Variants in ENTREP2 observed in about 807,000 individuals in gnomAD.
ENTREP2 encodes the protein endosomal transmembrane epsin interactor 2.
chr15:29,605,848 A>T, the ENTREP2 span, among the ~76,000 whole-genome samples: 2 of 152,158 alleles, frequency 1.3e-5, no homozygotes, highest in Non-Finnish European at 2.9e-5. Context: ...AGAAAAAAAT[A>T]AAATATGGAT....
the ENTREP2 span, among the ~76,000 whole-genome samples, chr15:29,562,223 G>A: frequency 6.6e-6 from 1 of 152,218 alleles, no homozygotes; most frequent in Non-Finnish European, 1.5e-5. Flanking sequence ...TAGGACCCTG[G>A]GCCAGAGAGG....
the ENTREP2 span, among the ~76,000 whole-genome samples, chr15:29,385,131 TTG>T: frequency 6.6e-6 from 1 of 152,174 alleles, no homozygotes; most frequent in Admixed American, 6.5e-5. Flanking sequence ...ATTGAACGCC[TTG>T]ACCTCTTCTC....
At chr15:29,439,152 C>T in the ENTREP2 span, among the ~76,000 whole-genome samples, 1 of 151,582 alleles carries the variant, frequency 6.6e-6, no homozygotes, top group East Asian at 1.9e-4. Flanking sequence ...TCAGACGATC[C>T]AATCACTCTG....
the ENTREP2 span, among the ~76,000 whole-genome samples, chr15:29,119,719 C>T: frequency 6.9e-4 from 103 of 148,462 alleles, no homozygotes; most frequent in African/African-American, 2.5e-3. Context: ...ATACAATTCT[C>T]GACGTGGCCA....
At chr15:29,226,315 C>A in the ENTREP2 span, among the ~76,000 whole-genome samples, 3 of 152,268 alleles carry the variant, frequency 2.0e-5, no homozygotes, top group East Asian at 3.9e-4. Context: ...GGTTTGGAAT[C>A]AACTTTCAAA....
chr15:29,454,696 C>A, the ENTREP2 span, among the ~76,000 whole-genome samples: 1 of 152,142 alleles, frequency 6.6e-6, no homozygotes, highest in Admixed American at 6.6e-5. Context: ...CCAGGGCCTG[C>A]GAACAGCCAC....
chr15:29,302,125 A>G, the ENTREP2 span, among the ~76,000 whole-genome samples: 1 of 152,018 alleles, frequency 6.6e-6, no homozygotes, highest in African/African-American at 2.4e-5. Context: ...TTTGTGGCCC[A>G]TTTTCACTCT....
At chr15:29,429,107 G>C in the ENTREP2 span, among the ~76,000 whole-genome samples, 8 of 152,008 alleles carry the variant, frequency 5.3e-5, no homozygotes, top group Admixed American at 5.2e-4. Context: ...ATCTTGAGAT[G>C]TCTATCTATC....
the ENTREP2 span, among the ~76,000 whole-genome samples, chr15:29,637,886 G>A: frequency 6.6e-6 from 1 of 152,204 alleles, no homozygotes; most frequent in Admixed American, 6.5e-5. Context: ...GAAAGCAGAG[G>A]AGACATCTAC....
At chr15:29,590,233 G>A in the ENTREP2 span, among the ~76,000 whole-genome samples, 2 of 152,102 alleles carry the variant, frequency 1.3e-5, no homozygotes, top group Non-Finnish European at 2.9e-5. Flanking sequence ...TCCATGGCCA[G>A]GTTCAGCGAC....
At chr15:29,207,165 A>G in the ENTREP2 span, among the ~76,000 whole-genome samples, 93 of 152,260 alleles carry the variant, frequency 6.1e-4, no homozygotes, top group African/African-American at 1.8e-3. Context: ...TGCTGAATGC[A>G]GTCCCTGCCA....
the ENTREP2 span, among the ~76,000 whole-genome samples, chr15:29,633,487 G>C: frequency 1.5e-4 from 23 of 151,902 alleles, no homozygotes; most frequent in African/African-American, 5.6e-4. Flanking sequence ...AATGTATTTG[G>C]TATGACATGG....
At chr15:29,220,090 C>T in the ENTREP2 span, among the ~76,000 whole-genome samples, 6 of 152,298 alleles carry the variant, frequency 3.9e-5, no homozygotes, top group East Asian at 9.7e-4. Flanking sequence ...GGCCAGAAGT[C>T]GCTGTGCTTA....
the ENTREP2 span, among the ~76,000 whole-genome samples, chr15:29,528,174 CA>C: frequency 4.6e-5 from 7 of 151,986 alleles, no homozygotes; most frequent in Admixed American, 2.0e-4. Flanking sequence ...GGCATTATAC[CA>C]AAATTCAAGG....
chr15:29,326,098 A>G, the ENTREP2 span, among the ~76,000 whole-genome samples: 22 of 152,248 alleles, frequency 1.4e-4, no homozygotes, highest in Non-Finnish European at 2.6e-4. Flanking sequence ...AACTTGATAA[A>G]AAGTGTTTAT....
At chr15:29,224,043 A>G in the ENTREP2 span, among the ~76,000 whole-genome samples, 4 of 152,242 alleles carry the variant, frequency 2.6e-5, no homozygotes, top group African/African-American at 9.6e-5. Context: ...GAAGCCGTGG[A>G]CCCTCACACT....
chr15:29,446,641 T>C, the ENTREP2 span, among the ~76,000 whole-genome samples: 2 of 152,240 alleles, frequency 1.3e-5, no homozygotes, highest in African/African-American at 4.8e-5. Context: ...ATTAGTTTTG[T>C]ATGGCTGCCA....
At chr15:29,337,315 G>A in the ENTREP2 span, among the ~76,000 whole-genome samples, 53 of 152,258 alleles carry the variant, frequency 3.5e-4, no homozygotes, top group African/African-American at 1.2e-3. Context: ...CTATGGATCT[G>A]TGTGGGGGCA....
the ENTREP2 span, chr15:29,151,898 C>A: frequency 5.3e-6 from 7 of 1,323,300 alleles, no homozygotes; most frequent in South Asian, 1.3e-5. Context: ...TAGCAGAATC[C>A]TTAGCCCTCC....
Sources: allele counts gnomAD v4.1 joint callset (sites outside exome capture counted in the v4.1 genomes callset), GRCh38; gene constraint gnomAD v4.1.1; transcripts MANE v1.5; gene names NCBI Gene and HGNC (gene_info 2026-07-23, HGNC 2026-07-21).